CRCP: variants seen among roughly 807,000 people sequenced by gnomAD.
CRCP encodes DNA-directed RNA polymerase III subunit RPC9.
In CRCP, 18 loss-of-function variants were observed where a neutral mutation model predicts 18.5. The observed-to-expected ratio is 0.97, with a 90% CI of 0.67 to 1.44. CRCP has a LOEUF of 1.44. Ranked by LOEUF, CRCP falls within the 40% of genes most tolerant of loss-of-function variation. CRCP has a pLI of 0.00. For synonymous variants in CRCP, 53 were observed against 62.9 expected (o/e 0.84, Z 0.75); for missense variants, 130 against 176.4 (o/e 0.74, Z 1.49).
intron 1 of CRCP, among the ~76,000 whole-genome samples, chr7:66,118,650 G>T (rs1007060135): frequency 6.6e-6 from 1 of 152,108 alleles, no homozygotes. Flanking sequence ...TGTAGTATTT[G>T]CATATAATCT....
chr7:66,118,564 G>A (rs546279237), intron 1 of CRCP, among the ~76,000 whole-genome samples: 148 of 152,256 alleles, frequency 9.7e-4, no homozygotes, highest in Non-Finnish European at 1.6e-3. Context: ...ATCTCTCAGC[G>A]TCTTTGGGGG....
intron 5 of CRCP, among the ~76,000 whole-genome samples, chr7:66,145,728 G>A (rs947706499): frequency 2.6e-5 from 4 of 152,180 alleles, no homozygotes; most frequent in African/African-American, 4.8e-5. Context: ...ATGACTTGGC[G>A]GCTCTCCGAC....
At chr7:66,143,878 CTGTTAATCCT>C (rs1788211804) in intron 4 of CRCP, among the ~76,000 whole-genome samples, 1 of 152,202 alleles carries the variant, frequency 6.6e-6, no homozygotes, top group South Asian at 2.1e-4. Flanking sequence ...ATTTTCATCC[CTGTTAATCCT>C]CTCATAAGAT....
intron 5 of CRCP, among the ~76,000 whole-genome samples, chr7:66,151,481 A>G (rs1005082783): frequency 6.6e-6 from 1 of 151,908 alleles, no homozygotes; most frequent in Non-Finnish European, 1.5e-5. Context: ...AGGCAGGAGA[A>G]TTGCTTGAAC....
At chr7:66,149,180 G>T (rs768579192) in intron 5 of CRCP, among the ~76,000 whole-genome samples, 14 of 152,098 alleles carry the variant, frequency 9.2e-5, no homozygotes, top group Non-Finnish European at 5.9e-5. Flanking sequence ...CCTTGAGATG[G>T]TGCTTTGAAC....
At chr7:66,121,939 C>G (rs1787454553) in intron 1 of CRCP, among the ~76,000 whole-genome samples, 1 of 152,172 alleles carries the variant, frequency 6.6e-6, no homozygotes, top group African/African-American at 2.4e-5. Flanking sequence ...TTAAGTTGTT[C>G]ATTGACTTCA....
intron 5 of CRCP, among the ~76,000 whole-genome samples, chr7:66,151,462 G>C (rs1044607341): frequency 1.8e-4 from 27 of 151,942 alleles, no homozygotes; most frequent in African/African-American, 6.0e-4. Context: ...CCAGCTATTC[G>C]GGAGGCTGAG....
In CRCP at chr7:66,132,808, G is replaced by C. The variant is rs375523964; in HGVS notation, c.145-1472G>C. Among the ~76,000 whole-genome samples the C allele has an allele frequency of 1.1e-4, 17 of 152,158 alleles. No homozygotes were observed. The South Asian group carries it at 3.5e-3, about 32-fold the overall frequency. ...GCCTGTAGTCCCAGCTACTCAGAGA[G>C]GCTGAGGCAGGAGAATGGCGTGAAC... On this transcript the variant is annotated intron_variant, in intron 3 of 5. Coordinates refer to ENST00000395326, the MANE Select transcript of CRCP (RefSeq NM_014478.5).
chr7:66,150,354 G>GAAACTCTGTCTCAAAAAAAATA (rs57066308), intron 5 of CRCP, among the ~76,000 whole-genome samples: 2 of 146,526 alleles, frequency 1.4e-5, no homozygotes, highest in Non-Finnish European at 1.5e-5. Context: ...CAACAAGAGT[G>GAAACTCTGTCTCAAAAAAAATA]AAGGGGGGGA....
intron 4 of CRCP, among the ~76,000 whole-genome samples, chr7:66,138,593 G>T (rs1788038682): frequency 6.8e-6 from 1 of 146,750 alleles, no homozygotes; most frequent in Non-Finnish European, 1.5e-5. Context: ...AGACCATCCT[G>T]GCTAACACGG....
At chr7:66,141,122 T>C (rs1788123912) in intron 4 of CRCP, among the ~76,000 whole-genome samples, 1 of 152,232 alleles carries the variant, frequency 6.6e-6, no homozygotes. Context: ...GGCAGCGTTG[T>C]TGTCCAACAG....
chr7:66,124,670 A>C (rs1279388034), intron 1 of CRCP, among the ~76,000 whole-genome samples: 1 of 152,104 alleles, frequency 6.6e-6, no homozygotes, highest in Non-Finnish European at 1.5e-5. Flanking sequence ...TGTGAGCCAC[A>C]ATGCCTGGCA....
chr7:66,145,824 G>T (rs1788275462), intron 5 of CRCP, among the ~76,000 whole-genome samples: 1 of 152,176 alleles, frequency 6.6e-6, no homozygotes, highest in Non-Finnish European at 1.5e-5. Flanking sequence ...ATGAAATTCA[G>T]CATGTCTCTG....
chr7:66,122,203 A>C (rs895869140), intron 1 of CRCP, among the ~76,000 whole-genome samples: 1 of 152,032 alleles, frequency 6.6e-6, no homozygotes, highest in East Asian at 1.9e-4. Context: ...GTGAAACCCC[A>C]TCTCTACTAA....
chr7:66,134,093 C>G (rs1367317596), intron 3 of CRCP, among the ~76,000 whole-genome samples, 187 bp from the exon 4 acceptor site: 14 of 151,950 alleles, frequency 9.2e-5, no homozygotes, highest in Admixed American at 6.6e-4. Context: ...CTCCTGACCT[C>G]AGGTGATTTG....
intron 5 of CRCP, 21 bp from the exon 6 acceptor site, chr7:66,152,187 G>A (rs762051529): frequency 3.1e-6 from 5 of 1,613,746 alleles, no homozygotes; most frequent in Non-Finnish European, 4.2e-6. Flanking sequence ...TAACCCTGGA[G>A]GATTTTCTTT....
intron 2 of CRCP, among the ~76,000 whole-genome samples, chr7:66,129,648 G>A (rs1398283972): frequency 1.3e-5 from 2 of 151,718 alleles, no homozygotes; most frequent in African/African-American, 4.8e-5. Flanking sequence ...GTCTTAAGTG[G>A]TTGCAGCTTA....
intron 4 of CRCP, among the ~76,000 whole-genome samples, chr7:66,140,512 C>T (rs1326950148): frequency 1.3e-5 from 2 of 151,758 alleles, no homozygotes; most frequent in Admixed American, 6.6e-5. Flanking sequence ...TCTCCTGTTT[C>T]GGCCTCCTGA....
rs533001129 is a variant in CRCP at position 66,115,212 on chromosome 7, C to T, written c.8+242C>T. ...GTGCGGGGCCGAGCACTTCCGTGTCCGGCTGCCTTTCAATGTGCCCCCTCC... is the reference window on the plus strand; with the variant it reads ...GTGCGGGGCCGAGCACTTCCGTGTCTGGCTGCCTTTCAATGTGCCCCCTCC... On this transcript the variant is annotated intron_variant, in intron 1 of 5. Transcript: ENST00000395326. 2.0e-5 allele frequency among the ~76,000 whole-genome samples: 3 copies of T among 152,282 alleles called. No homozygotes were observed. In the South Asian group the frequency reaches 6.2e-4, roughly 32 times the overall value.
Sources: gnomAD v4.1 joint callset for allele counts (sites outside exome capture counted in the v4.1 genomes callset) on GRCh38, gnomAD v4.1.1 for gene constraint, MANE v1.5 for transcripts, NCBI Gene and HGNC (gene_info 2026-07-23, HGNC 2026-07-21) for gene names.